The following SOX5 variants were observed in gnomAD, a reference collection of about 807,000 sequenced individuals.
SOX5 encodes the protein transcription factor SOX-5.
SOX5 carries 9 observed loss-of-function variants against 92.0 expected under a neutral mutation model. The ratio of observed to expected loss-of-function variants is 0.10; its 90% confidence interval spans 0.06 to 0.17. The LOEUF is 0.17. Among genes scored for constraint, SOX5 ranks in the 10% least tolerant of loss-of-function variants. The probability of loss-of-function intolerance (pLI) is 1.00; values close to 1 mark genes in which losing one functional copy is unlikely to be tolerated. For synonymous variants in SOX5, 344 were observed against 336.3 expected (o/e 1.02, Z -0.25); for missense variants, 642 against 944.5 (o/e 0.68, Z 4.20).
At chr12:24,336,717 C>T (rs1350723431) in intron 2 of SOX5, among the ~76,000 whole-genome samples, 2 of 152,070 alleles carry the variant, frequency 1.3e-5, no homozygotes, top group African/African-American at 4.8e-5. Flanking sequence ...AAAGAAAATG[C>T]CCTCTCCCTG....
chr12:23,756,175 T>C (rs907210519), intron 3 of SOX5, among the ~76,000 whole-genome samples: 4 of 151,620 alleles, frequency 2.6e-5, no homozygotes, highest in African/African-American at 7.3e-5. Context: ...CTTTATAATA[T>C]GTGTTTAACA....
At chr12:24,206,916 A>T (rs1349873489) in intron 4 of SOX5, among the ~76,000 whole-genome samples, 1 of 152,160 alleles carries the variant, frequency 6.6e-6, no homozygotes, top group African/African-American at 2.4e-5. Flanking sequence ...ATCCTTCTTG[A>T]TGGGAAGCAG....
chr12:24,320,781 C>A (rs911026042), intron 2 of SOX5, among the ~76,000 whole-genome samples: 2 of 151,588 alleles, frequency 1.3e-5, no homozygotes, highest in African/African-American at 4.9e-5. Flanking sequence ...AGGAGAATGG[C>A]GTGAACCTGG....
chr12:23,731,257 T>A (rs998318273), intron 6 of SOX5, among the ~76,000 whole-genome samples: 13 of 152,184 alleles, frequency 8.5e-5, no homozygotes, highest in Non-Finnish European at 1.8e-4. Flanking sequence ...CTGAGAACCA[T>A]GCCGCCAGCC....
At chr12:23,851,925 T>C (rs1174454861) in intron 2 of SOX5, among the ~76,000 whole-genome samples, 1 of 152,120 alleles carries the variant, frequency 6.6e-6, no homozygotes, top group African/African-American at 2.4e-5. Context: ...AAGCAACATA[T>C]ATGCATTTTT....
At chr12:23,693,613 GTGTTT>G (rs2089291934) in intron 6 of SOX5, among the ~76,000 whole-genome samples, 1 of 152,076 alleles carries the variant, frequency 6.6e-6, no homozygotes, top group African/African-American at 2.4e-5. Context: ...TGGAGTTGCT[GTGTTT>G]TGTTTTCTCT....
At chr12:23,921,772 G>C (rs1212164477) in intron 1 of SOX5, among the ~76,000 whole-genome samples, 3 of 152,180 alleles carry the variant, frequency 2.0e-5, no homozygotes, top group Non-Finnish European at 4.4e-5. Context: ...TTTCCTAAGA[G>C]ATGTTGCCAT....
intron 3 of SOX5, among the ~76,000 whole-genome samples, chr12:24,216,786 G>A (rs1959189169): frequency 6.6e-6 from 1 of 152,064 alleles, no homozygotes. Context: ...AAATTAGCTG[G>A]GCAGGGTGGT....
At chr12:23,863,188 T>C (rs1478062111) in intron 2 of SOX5, among the ~76,000 whole-genome samples, 4 of 152,216 alleles carry the variant, frequency 2.6e-5, no homozygotes, top group Non-Finnish European at 5.9e-5. Context: ...CAATATTGTA[T>C]ACTACTTTGA....
At chr12:24,433,759 G>A (rs150507754) in intron 1 of SOX5, among the ~76,000 whole-genome samples, 14 of 152,258 alleles carry the variant, frequency 9.2e-5, no homozygotes, top group Non-Finnish European at 2.1e-4. Context: ...GATCTCAAGG[G>A]AAATGTTAAT....
At chr12:24,307,393 GGAA>G (rs1258795209) in intron 2 of SOX5, among the ~76,000 whole-genome samples, 1 of 151,700 alleles carries the variant, frequency 6.6e-6, no homozygotes, top group Non-Finnish European at 1.5e-5. Flanking sequence ...TGGGCCAAAT[GGAA>G]GAACTGGGAT....
intron 6 of SOX5, among the ~76,000 whole-genome samples, chr12:23,724,698 G>GCCT (rs1480549357): frequency 1.3e-5 from 2 of 152,094 alleles, no homozygotes; most frequent in African/African-American, 4.8e-5. Flanking sequence ...GTCAGAGGTG[G>GCCT]CCTCCCTGAC....
intron 9 of SOX5, among the ~76,000 whole-genome samples, chr12:23,598,650 C>T (rs999941874): frequency 4.6e-5 from 7 of 151,978 alleles, no homozygotes; most frequent in Non-Finnish European, 1.0e-4. Flanking sequence ...CCATCCACCT[C>T]GGCCTCCCAA....
At chr12:24,326,548 G>A (rs1270849104) in intron 2 of SOX5, among the ~76,000 whole-genome samples, 1 of 151,976 alleles carries the variant, frequency 6.6e-6, no homozygotes, top group Non-Finnish European at 1.5e-5. Context: ...TTTTTTGAAC[G>A]AGGTTATGAA....
At chr12:23,588,405 C>G (rs1006569722) in intron 9 of SOX5, among the ~76,000 whole-genome samples, 9 of 151,902 alleles carry the variant, frequency 5.9e-5, no homozygotes, top group African/African-American at 1.9e-4. Context: ...ATTGATTTAT[C>G]AGATATTCAT....
chr12:24,416,814 T>G (rs1302960425), intron 1 of SOX5, among the ~76,000 whole-genome samples: 1 of 152,188 alleles, frequency 6.6e-6, no homozygotes, highest in African/African-American at 2.4e-5. Flanking sequence ...CCTATCTGAG[T>G]GATCTTGGGC....
At chr12:24,449,889 G>C (rs1168933554) in intron 1 of SOX5, among the ~76,000 whole-genome samples, 1 of 152,128 alleles carries the variant, frequency 6.6e-6, no homozygotes, top group African/African-American at 2.4e-5. Context: ...TCCTGTGACT[G>C]AAATCCTCTC....
At chr12:24,030,913 A>G (rs1412138457) in intron 4 of SOX5, among the ~76,000 whole-genome samples, 1 of 151,986 alleles carries the variant, frequency 6.6e-6, no homozygotes, top group Non-Finnish European at 1.5e-5. Flanking sequence ...AAAAGAACAC[A>G]TGCAAATGGC....
At chr12:23,724,826 G>A (rs957947232) in intron 6 of SOX5, among the ~76,000 whole-genome samples, 21 of 152,170 alleles carry the variant, frequency 1.4e-4, no homozygotes, top group Non-Finnish European at 2.5e-4. Context: ...CACTCAGCAC[G>A]TTCCCAGCAA....
Sources: allele counts gnomAD v4.1 joint callset (sites outside exome capture counted in the v4.1 genomes callset), GRCh38; gene constraint gnomAD v4.1.1; transcripts MANE v1.5; gene names NCBI Gene and HGNC (gene_info 2026-07-23, HGNC 2026-07-21).